The following SCD5 variants were observed in gnomAD, a reference collection of about 807,000 sequenced individuals.
SCD5 encodes the protein acyl-CoA-desaturase 4.
SCD5 carries 20 observed loss-of-function variants against 30.4 expected under a neutral mutation model. That is an observed-to-expected ratio of 0.66 (90% confidence interval 0.46 to 0.96). The LOEUF (loss-of-function observed/expected upper bound fraction) is 0.96, where lower values mean the gene tolerates loss of function less well. Ranked by LOEUF, SCD5 falls within the 40% of genes least tolerant of loss-of-function variation. The pLI, the probability that SCD5 is intolerant of heterozygous loss-of-function variation, is 0.00. For missense variants in SCD5, 381 were observed against 443.3 expected (o/e 0.86, Z 1.26); for synonymous variants, 173 against 176.4 (o/e 0.98, Z 0.16).
intron 2 of SCD5, among the ~76,000 whole-genome samples, chr4:82,703,849 G>A (rs778652247): frequency 9.2e-5 from 14 of 152,180 alleles, no homozygotes; most frequent in African/African-American, 7.2e-5. Flanking sequence ...GGTCCTCAAC[G>A]TCATCTAAGA....
chr4:82,788,661 G>T (rs1398350744), intron 1 of SCD5, among the ~76,000 whole-genome samples: 1 of 152,166 alleles, frequency 6.6e-6, no homozygotes, highest in South Asian at 2.1e-4. Context: ...AAAGTGGTGG[G>T]GTTACAGGCA....
chr4:82,640,212 A>G (rs892117687), intron 3 of SCD5, among the ~76,000 whole-genome samples: 1 of 152,030 alleles, frequency 6.6e-6, no homozygotes, highest in Non-Finnish European at 1.5e-5. Flanking sequence ...CTGTTTAAAG[A>G]GTCTCCTGCC....
At chr4:82,788,744 G>A (rs997849727) in intron 1 of SCD5, among the ~76,000 whole-genome samples, 1 of 152,138 alleles carries the variant, frequency 6.6e-6, no homozygotes, top group Admixed American at 6.5e-5. Flanking sequence ...GAGGTAACCA[G>A]GAAAGATTTT....
chr4:82,680,884 T>G lies in SCD5; in HGVS notation c.392A>C (p.His131Pro). The change falls in exon 3 of 5, where the codon CAC (histidine) becomes CCC (proline). Residue 131 changes from histidine (H) to proline (P), a missense_variant. Coordinates refer to ENST00000319540, the MANE Select transcript of SCD5 (RefSeq NM_001037582.3). The part of the protein sequence containing the change: ...QNDIFEWSRD[H>P]RAHHKYSETD... ...CTCTGAGTACTTGTGGTGGGCTCGG[T>G]GGTCCCTGGACCACTCGAAGATGTC... The G allele has an allele frequency of 1.2e-6, 2 of 1,613,226 alleles. No individual in the cohort carries two copies. Among genetic ancestry groups the G allele is most frequent in the South Asian group, 1.1e-5 (1 of 91,042 alleles).
intron 3 of SCD5, among the ~76,000 whole-genome samples, chr4:82,643,148 T>C (rs1196443079): frequency 6.6e-6 from 1 of 152,214 alleles, no homozygotes; most frequent in Non-Finnish European, 1.5e-5. Flanking sequence ...ACTGGACTCC[T>C]CAGGTACTGA....
chr4:82,638,281 GC>G (rs201462110), intron 3 of SCD5, among the ~76,000 whole-genome samples: 59 of 151,798 alleles, frequency 3.9e-4, no homozygotes, highest in African/African-American at 1.4e-3. Flanking sequence ...CCCCTGCCCT[GC>G]CCCCCCAAAA....
chr4:82,780,464 G>A (rs904903485), intron 1 of SCD5, among the ~76,000 whole-genome samples: 6 of 152,192 alleles, frequency 3.9e-5, no homozygotes, highest in Non-Finnish European at 8.8e-5. Context: ...CAAATGTGTG[G>A]AAAATGGAAT....
intron 3 of SCD5, among the ~76,000 whole-genome samples, chr4:82,678,015 C>T (rs1391212700): frequency 1.3e-5 from 2 of 152,046 alleles, no homozygotes; most frequent in Non-Finnish European, 2.9e-5. Context: ...TTGGCCTGTA[C>T]TCTCAAAGAG....
intron 2 of SCD5, among the ~76,000 whole-genome samples, chr4:82,681,260 C>A (rs909730747): frequency 1.3e-5 from 2 of 152,094 alleles, no homozygotes; most frequent in East Asian, 3.9e-4. Flanking sequence ...AAAAAGAGAT[C>A]TTTTTTGTGG....
At chr4:82,661,058 C>G (rs3733227) in intron 3 of SCD5, 1,059,228 of 1,612,786 alleles carry the variant, frequency 0.66, 350,138 homozygotes, top group Admixed American at 0.77. Context: ...GCTCTTCCTT[C>G]TTTCTGGATG....
chr4:82,679,773 G>A (rs1479830250), intron 3 of SCD5, among the ~76,000 whole-genome samples: 1 of 152,142 alleles, frequency 6.6e-6, no homozygotes, highest in Non-Finnish European at 1.5e-5. Context: ...ACAGTCCTAA[G>A]CCATCCTTCC....
intron 1 of SCD5, among the ~76,000 whole-genome samples, chr4:82,740,975 C>T (rs1720860845): frequency 6.6e-6 from 1 of 151,792 alleles, no homozygotes; most frequent in Non-Finnish European, 1.5e-5. Context: ...CGCTCTGTCA[C>T]CCAGGCTGGA....
chr4:82,672,565 AG>A (rs1728351206), intron 3 of SCD5, among the ~76,000 whole-genome samples: 1 of 152,164 alleles, frequency 6.6e-6, no homozygotes, highest in African/African-American at 2.4e-5. Context: ...CTTGCAAAAT[AG>A]AACCAGGCCA....
At chr4:82,698,975 G>A (rs1198290225) in intron 2 of SCD5, among the ~76,000 whole-genome samples, 1 of 152,150 alleles carries the variant, frequency 6.6e-6, no homozygotes, top group Non-Finnish European at 1.5e-5. Flanking sequence ...TTGTTCTCCT[G>A]TGCCTAGAAC....
At chr4:82,681,022 T>A (rs1728561864) in intron 2 of SCD5, 110 bp from the exon 3 acceptor site, 1 of 859,736 alleles carries the variant, frequency 1.2e-6, no homozygotes, top group Non-Finnish European at 1.8e-6. Context: ...CTGGTTTCAC[T>A]TTCCTCCTGT....
intron 1 of SCD5, among the ~76,000 whole-genome samples, chr4:82,788,196 C>G (rs1722024771): frequency 6.6e-6 from 1 of 152,172 alleles, no homozygotes; most frequent in African/African-American, 2.4e-5. Context: ...CATGGACTTC[C>G]CAGCCTCCAG....
At chr4:82,796,877 A>T (rs1722233118) in intron 1 of SCD5, among the ~76,000 whole-genome samples, 1 of 152,190 alleles carries the variant, frequency 6.6e-6, no homozygotes. Context: ...CCAACACATA[A>T]AGGTGATGGT....
chr4:82,741,843 T>C (rs11737445), intron 1 of SCD5, among the ~76,000 whole-genome samples: 59,282 of 90,514 alleles, frequency 0.65, 15,770 homozygotes, highest in South Asian at 0.71. Flanking sequence ...TGAAAAGGGG[T>C]CAGAGTGGGC....
chr4:82,732,287 AC>A (rs1463674116), intron 1 of SCD5, among the ~76,000 whole-genome samples: 1 of 151,990 alleles, frequency 6.6e-6, no homozygotes, highest in African/African-American at 2.4e-5. Flanking sequence ...ACAGGGTTTC[AC>A]CAAGTAGGCC....
Sources: gnomAD v4.1 joint callset for allele counts (sites outside exome capture counted in the v4.1 genomes callset) on GRCh38, gnomAD v4.1.1 for gene constraint, MANE v1.5 for transcripts, NCBI Gene and HGNC (gene_info 2026-07-23, HGNC 2026-07-21) for gene names.